Variants in DLGAP1 observed in about 807,000 individuals in gnomAD.
DLGAP1 encodes DLG associated protein 1.
DLGAP1 carries 11 observed loss-of-function variants against 90.8 expected under a neutral mutation model. The ratio of observed to expected loss-of-function variants is 0.12; its 90% CI spans 0.08 to 0.20. DLGAP1 has a LOEUF of 0.20. Ranked by LOEUF, DLGAP1 falls within the 10% of genes least tolerant of loss-of-function variation. DLGAP1 has a pLI of 1.00. For missense variants in DLGAP1, 1,050 were observed against 1,333.8 expected, an observed-to-expected ratio of 0.79 and a Z score of 3.31; for synonymous variants, 558 against 540.7, an observed-to-expected ratio of 1.03 and a Z score of -0.44.
At chr18:3,613,862 A>T (rs1054322629) in intron 7 of DLGAP1, among the ~76,000 whole-genome samples, 6 of 152,180 alleles carry the variant, frequency 3.9e-5, no homozygotes, top group African/African-American at 1.4e-4. Flanking sequence ...AGCCCTTTGT[A>T]AGTTGCAAAG....
At chr18:4,174,998 C>G (rs1031305032) in intron 1 of DLGAP1, among the ~76,000 whole-genome samples, 1 of 152,018 alleles carries the variant, frequency 6.6e-6, no homozygotes, top group African/African-American at 2.4e-5. Flanking sequence ...TTTTCTTTAT[C>G]CAGTCTATCA....
intron 7 of DLGAP1, among the ~76,000 whole-genome samples, chr18:3,652,718 A>G (rs2059357669): frequency 6.6e-6 from 1 of 152,134 alleles, no homozygotes; most frequent in South Asian, 2.1e-4. Context: ...AAAGAAGACA[A>G]CCTTCATTTT....
At chr18:4,109,544 T>C (rs189797622) in intron 2 of DLGAP1, among the ~76,000 whole-genome samples, 50 of 149,376 alleles carry the variant, frequency 3.3e-4, no homozygotes, top group Non-Finnish European at 4.4e-5. Context: ...TGGAGACCTG[T>C]ATTTTTTTTC....
chr18:3,669,676 A>G (rs948254991), intron 7 of DLGAP1, among the ~76,000 whole-genome samples: 40 of 152,302 alleles, frequency 2.6e-4, no homozygotes, highest in African/African-American at 9.6e-4. Context: ...CTCTAGGGGA[A>G]GGCCATCTTC....
At chr18:4,097,470 T>C (rs966547080) in intron 2 of DLGAP1, among the ~76,000 whole-genome samples, 3 of 152,238 alleles carry the variant, frequency 2.0e-5, no homozygotes, top group African/African-American at 4.8e-5. Context: ...CTGAGAACTA[T>C]AGCTTCCTGC....
chr18:4,369,915 G>A (rs1049572749), intron 1 of DLGAP1, among the ~76,000 whole-genome samples: 2 of 151,924 alleles, frequency 1.3e-5, no homozygotes, highest in Admixed American at 1.3e-4. Context: ...GGGCCAGGAA[G>A]GGGACCCAGC....
At chr18:3,584,869 A>C (rs2055781786) in intron 7 of DLGAP1, among the ~76,000 whole-genome samples, 1 of 152,018 alleles carries the variant, frequency 6.6e-6, no homozygotes, top group African/African-American at 2.4e-5. Context: ...CTCCCACTTC[A>C]ATCTCTTGAG....
chr18:3,957,935 C>T (rs1426393146), intron 3 of DLGAP1, among the ~76,000 whole-genome samples: 1 of 151,306 alleles, frequency 6.6e-6, no homozygotes, highest in African/African-American at 2.4e-5. Context: ...CTCTTGTTGC[C>T]CAGGCTGGAG....
chr18:4,054,093 G>A lies in DLGAP1; in HGVS notation c.-158-48892C>T, dbSNP rs576621370. ...ACCTGATACTTCTGTGCCATTTGCTGTCAGGTGACTTTGTCACTAGTTTTG... is the reference window on the plus strand; with the variant it reads ...ACCTGATACTTCTGTGCCATTTGCTATCAGGTGACTTTGTCACTAGTTTTG... On this transcript the variant is annotated intron_variant, in intron 2 of 12. Coordinates refer to ENST00000315677, the MANE Select transcript of DLGAP1 (RefSeq NM_004746.4). Among the ~76,000 whole-genome samples the A allele has an allele frequency of 8.5e-5, 13 of 152,312 alleles. 1 individual carries two copies. In the South Asian group the frequency reaches 2.5e-3, roughly 29 times the overall value.
intron 3 of DLGAP1, among the ~76,000 whole-genome samples, chr18:3,981,150 C>T (rs1016395139): frequency 5.9e-5 from 9 of 152,202 alleles, no homozygotes; most frequent in African/African-American, 1.9e-4. Flanking sequence ...TATTTTCATA[C>T]GGGCAGAATG....
chr18:4,389,252 C>A (rs2082293872), intron 1 of DLGAP1, among the ~76,000 whole-genome samples: 1 of 151,998 alleles, frequency 6.6e-6, no homozygotes, highest in African/African-American at 2.4e-5. Flanking sequence ...GTAAAATAAG[C>A]CAGTCACAAA....
intron 2 of DLGAP1, among the ~76,000 whole-genome samples, chr18:4,134,759 T>C (rs1435472521): frequency 1.3e-5 from 2 of 152,042 alleles, no homozygotes; most frequent in Non-Finnish European, 2.9e-5. Flanking sequence ...GGAAGCCTTT[T>C]ATTAGGAAAG....
chr18:4,142,376 T>C (rs1311955398), intron 2 of DLGAP1, among the ~76,000 whole-genome samples: 1 of 152,120 alleles, frequency 6.6e-6, no homozygotes, highest in Non-Finnish European at 1.5e-5. Flanking sequence ...GTAGTCCAAT[T>C]AACAACATTA....
intron 4 of DLGAP1, among the ~76,000 whole-genome samples, chr18:3,872,496 A>C (rs1568267371): frequency 6.6e-6 from 1 of 152,196 alleles, no homozygotes; most frequent in Non-Finnish European, 1.5e-5. Context: ...ATTTACCAAA[A>C]TAATGTGAAA....
At chr18:3,951,590 C>T (rs1435106879) in intron 3 of DLGAP1, among the ~76,000 whole-genome samples, 1 of 152,084 alleles carries the variant, frequency 6.6e-6, no homozygotes, top group African/African-American at 2.4e-5. Context: ...TTGAGTTGGC[C>T]TATTATATGG....
Position 3,499,438 on chromosome 18 carries a change from A to G in DLGAP1, c.2725-44T>C. ...TCAGGACATTACACAGCTTCTCAGG[A>G]CAAGCTTGGGAAAAACTGGGATAGG... On this transcript the variant is annotated intron_variant, in intron 12 of 12. Transcript: ENST00000315677. The surrounding 1 kb of genome is among the most constrained non-coding windows in gnomAD (Gnocchi z 6.4). 1.3e-6 allele frequency: 2 copies of G among 1,543,794 alleles called. No homozygotes were observed. Among genetic ancestry groups the G allele is most frequent in the Non-Finnish European group, 1.7e-6 (2 of 1,143,620 alleles).
intron 2 of DLGAP1, among the ~76,000 whole-genome samples, chr18:4,128,489 T>C (rs2144180399): frequency 6.6e-6 from 1 of 152,310 alleles, no homozygotes; most frequent in East Asian, 1.9e-4. Context: ...AAAATGTGAT[T>C]ATATTACTTG....
At position 4,267,175 on chromosome 18, in the gene DLGAP1, C is replaced by T. The variant is rs116936271; in HGVS notation, c.-266-115888G>A. Among the ~76,000 whole-genome samples the T allele has an allele frequency of 3.4e-3, 512 of 149,416 alleles. 2 individuals are homozygous for T. The highest frequency in any genetic ancestry group is 0.017 in the Middle Eastern group (5 of 294). On this transcript the variant is annotated intron_variant, in intron 1 of 12. Coordinates refer to ENST00000315677, the MANE Select transcript of DLGAP1 (RefSeq NM_004746.4). The stretch of plus-strand genomic sequence containing the variant: ...TGAAGACCAATATTTGTTTCTATCA[C>T]TGTAATGAGTGTGTGTGTGTGTGTA...
chr18:4,080,947 G>T (rs954355527), intron 2 of DLGAP1, among the ~76,000 whole-genome samples: 58 of 150,604 alleles, frequency 3.9e-4, no homozygotes, highest in African/African-American at 1.4e-3. Flanking sequence ...GGAGTGCAAT[G>T]GCGCAATCTT....
Sources: allele counts gnomAD v4.1 joint callset (sites outside exome capture counted in the v4.1 genomes callset), GRCh38; gene constraint gnomAD v4.1.1; non-coding constraint Gnocchi (gnomAD v3.1); transcripts MANE v1.5; gene names NCBI Gene and HGNC (gene_info 2026-07-23, HGNC 2026-07-21).